Variants in ZC3H12B observed in about 807,000 individuals in gnomAD.
ZC3H12B encodes the protein probable ribonuclease ZC3H12B.
Under a neutral mutation model 43.9 loss-of-function variants are expected in ZC3H12B, and 7 were observed. The ratio of observed to expected loss-of-function variants is 0.16; its 90% CI spans 0.09 to 0.30. The LOEUF (loss-of-function observed/expected upper bound fraction) is 0.30. Among genes scored for constraint, ZC3H12B ranks in the 10% least tolerant of loss-of-function variants. The pLI, the probability that ZC3H12B is intolerant of heterozygous loss-of-function variation, is 1.00. For missense variants in ZC3H12B, 475 were observed against 670.2 expected (o/e 0.71, Z 3.22); for synonymous variants, 222 against 241.7 (o/e 0.92, Z 0.76).
chrX:65,386,866 A>G (rs2066534696), intron 2 of ZC3H12B, among the ~76,000 whole-genome samples: 1 of 111,476 alleles, frequency 9.0e-6, no homozygotes, highest in Admixed American at 9.5e-5. Flanking sequence ...CGTTGGTTTC[A>G]AACAACGTCT....
the ZC3H12B span, among the ~76,000 whole-genome samples, chrX:65,080,690 T>C: frequency 1.8e-4 from 20 of 111,711 alleles, no homozygotes; most frequent in Middle Eastern, 4.6e-3. Flanking sequence ...AGCTAAGGGA[T>C]TTAATCAATA....
At chrX:65,287,623 A>G in the ZC3H12B span, among the ~76,000 whole-genome samples, 2 of 110,889 alleles carry the variant, frequency 1.8e-5, no homozygotes, top group Admixed American at 1.9e-4. Context: ...GAAACAAATG[A>G]AAATGGAAAT....
chrX:65,151,562 A>G, the ZC3H12B span, among the ~76,000 whole-genome samples: 9 of 111,947 alleles, frequency 8.0e-5, no homozygotes, highest in Non-Finnish European at 1.5e-4. Context: ...GAATCTAGCA[A>G]TTCCCCTAAT....
At chrX:65,386,835 G>T (rs991558110) in intron 2 of ZC3H12B, among the ~76,000 whole-genome samples, 1 of 110,962 alleles carries the variant, frequency 9.0e-6, no homozygotes, top group Non-Finnish European at 1.9e-5. Context: ...CAGAGATTCT[G>T]GTATGTTGTG....
chrX:65,426,392 CAAAAAAAAAAA>C (rs58910748), intron 3 of ZC3H12B, among the ~76,000 whole-genome samples: 2 of 42,203 alleles, frequency 4.7e-5, no homozygotes, highest in Non-Finnish European at 9.5e-5. Context: ...TAATTATTTC[CAAAAAAAAAAA>C]AAAAAAAAAA....
At chrX:65,193,109 GT>G in the ZC3H12B span, among the ~76,000 whole-genome samples, 9,217 of 97,083 alleles carry the variant, frequency 0.095, 957 homozygotes, top group African/African-American at 0.3. Context: ...TGGCCTGAAG[GT>G]TTTTTTTTTT....
the ZC3H12B span, among the ~76,000 whole-genome samples, chrX:65,306,754 A>T: frequency 8.9e-6 from 1 of 112,341 alleles, no homozygotes; most frequent in Non-Finnish European, 1.9e-5. Flanking sequence ...TAGCAGCTCC[A>T]AAAAGGAAAA....
the ZC3H12B span, among the ~76,000 whole-genome samples, chrX:65,251,833 G>T: frequency 1.8e-5 from 2 of 111,141 alleles, no homozygotes; most frequent in South Asian, 3.8e-4. Context: ...AGGAAATTTT[G>T]GGCTGAGATG....
chrX:65,114,733 G>C, the ZC3H12B span, among the ~76,000 whole-genome samples: 1 of 109,947 alleles, frequency 9.1e-6, no homozygotes. Flanking sequence ...ATTTATTCAA[G>C]TTCATTGATT....
the ZC3H12B span, among the ~76,000 whole-genome samples, chrX:65,072,584 G>C: frequency 9.0e-6 from 1 of 111,625 alleles, no homozygotes; most frequent in African/African-American, 3.3e-5. Context: ...CCCATTTGAT[G>C]ACCTTGATAG....
At chrX:65,335,375 G>A in the ZC3H12B span, among the ~76,000 whole-genome samples, 13 of 111,701 alleles carry the variant, frequency 1.2e-4, no homozygotes, top group Admixed American at 1.2e-3. Flanking sequence ...CCCAACTTTA[G>A]CCAGGCCAAA....
chrX:65,507,839 G>A (rs1312843072), exon 5 of ZC3H12B: 1 of 112,456 alleles, frequency 8.9e-6, no homozygotes, highest in African/African-American at 3.2e-5. Context: ...TGACAACAAT[G>A]AACTGTAACC....
At chrX:65,131,903 T>G in the ZC3H12B span, among the ~76,000 whole-genome samples, 26,582 of 110,090 alleles carry the variant, frequency 0.24, 7,697 homozygotes, top group African/African-American at 0.83. Flanking sequence ...CAAAGGAGGG[T>G]CTATAAAGTA....
the ZC3H12B span, among the ~76,000 whole-genome samples, chrX:65,268,574 CT>C: frequency 8.9e-6 from 1 of 112,419 alleles, no homozygotes; most frequent in African/African-American, 3.2e-5. Flanking sequence ...TTATTTGAGG[CT>C]TATGTCTAGC....
chrX:65,224,771 G>A, the ZC3H12B span, among the ~76,000 whole-genome samples: 6 of 111,948 alleles, frequency 5.4e-5, no homozygotes, highest in South Asian at 7.4e-4. Flanking sequence ...CTCGCTGATT[G>A]CTAGCACAAC....
chrX:65,442,701 C>T (rs2067318118), intron 3 of ZC3H12B, among the ~76,000 whole-genome samples: 1 of 112,337 alleles, frequency 8.9e-6, no homozygotes, highest in African/African-American at 3.2e-5. Context: ...GAAACAGTAA[C>T]ATTCTTTAAC....
the ZC3H12B span, among the ~76,000 whole-genome samples, chrX:65,144,803 C>T: frequency 2.7e-5 from 3 of 111,181 alleles, no homozygotes; most frequent in African/African-American, 9.8e-5. Flanking sequence ...TTTGGAGTTT[C>T]CAGTTTTATT....
the ZC3H12B span, among the ~76,000 whole-genome samples, chrX:65,236,943 A>G: frequency 9.0e-6 from 1 of 111,608 alleles, no homozygotes; most frequent in Non-Finnish European, 1.9e-5. Context: ...TGTTTTGCTT[A>G]CTGTAGCCTT....
chrX:65,364,457 A>G (rs2066146565), upstream of ZC3H12B, among the ~76,000 whole-genome samples: 1 of 109,838 alleles, frequency 9.1e-6, no homozygotes, highest in Non-Finnish European at 1.9e-5. Flanking sequence ...GGCCATCAAA[A>G]GGCATCAGAT....
Sources: gnomAD v4.1 joint callset for allele counts (sites outside exome capture counted in the v4.1 genomes callset) on GRCh38, gnomAD v4.1.1 for gene constraint, MANE v1.5 for transcripts, NCBI Gene and HGNC (gene_info 2026-07-23, HGNC 2026-07-21) for gene names.